Variants in ELAVL2 observed in about 807,000 individuals in gnomAD.
ELAVL2 encodes the protein ELAV like RNA binding protein 2, also known as ELAV-like protein 2.
A neutral mutation model predicts 34.6 loss-of-function variants in ELAVL2; 4 were observed. That is an observed-to-expected ratio of 0.12 (90% CI 0.06 to 0.26). The LOEUF (loss-of-function observed/expected upper bound fraction) is 0.26. Among genes scored for constraint, ELAVL2 ranks in the 10% least tolerant of loss-of-function variants. The probability of loss-of-function intolerance (pLI) is 1.00; values close to 1 mark genes in which losing one functional copy is unlikely to be tolerated. For synonymous variants in ELAVL2, 193 were observed against 154.8 expected (o/e 1.25, Z -1.83); for missense variants, 432 against 442.8 (o/e 0.98, Z 0.22).
chr9:23,776,462 T>C (rs1043675129), intron 1 of ELAVL2, among the ~76,000 whole-genome samples: 22 of 152,114 alleles, frequency 1.4e-4, no homozygotes, highest in African/African-American at 4.8e-4. Flanking sequence ...AGCCAAGGTC[T>C]GGTGTGTAGA....
At chr9:23,708,216 A>G (rs1338454490) in intron 3 of ELAVL2, among the ~76,000 whole-genome samples, 1 of 152,208 alleles carries the variant, frequency 6.6e-6, no homozygotes, top group Non-Finnish European at 1.5e-5. Flanking sequence ...GATTATATAT[A>G]AACTTACGTC....
In ELAVL2 at chr9:23,707,679, G is replaced by C. The variant is rs760760959; in HGVS notation, c.334-2608C>G. On this transcript the variant is annotated intron_variant, in intron 3 of 6. Coordinates refer to ENST00000397312, the MANE Select transcript of ELAVL2 (RefSeq NM_004432.5). Reference sequence around the variant, plus strand: ...ATTCATAACCAGTTCTGTGAACTTAGAACTAAGTTCTTCAAGCCTATTACC... The same window carrying C: ...ATTCATAACCAGTTCTGTGAACTTACAACTAAGTTCTTCAAGCCTATTACC... Among the ~76,000 whole-genome samples, 3 of 152,184 alleles carry C rather than the reference G, an allele frequency of 2.0e-5. 1 individual carries two copies. The highest frequency in any genetic ancestry group is 2.0e-4 in the Admixed American group (3 of 15,270).
chr9:23,701,729 C>CA lies in ELAVL2; in HGVS notation c.488-126dup, dbSNP rs113955723. 397 of 987,284 alleles carry CA rather than the reference C, an allele frequency of 4.0e-4. 2 individuals carry two copies. In the African/African-American group the frequency reaches 5.5e-3, roughly 14 times the overall value. The allele number at this position is 987,284 out of a possible 1,614,324, so 61.2% of individuals were successfully genotyped here. Reference sequence around the variant, plus strand: ...TTTCACCTACATATAACATTTCCCACAAAATCACACCAGGAGGAAACTTTC... The same window carrying CA: ...TTTCACCTACATATAACATTTCCCACAAAAATCACACCAGGAGGAAACTTTC... On this transcript the variant is annotated intron_variant, in intron 4 of 6. Transcript: ENST00000397312.
At chr9:23,770,687 T>C (rs1293903375) in intron 1 of ELAVL2, among the ~76,000 whole-genome samples, 4 of 152,180 alleles carry the variant, frequency 2.6e-5, no homozygotes, top group East Asian at 1.9e-4. Context: ...TCATAAAGAC[T>C]CTGGGAGGAA....
intron 3 of ELAVL2, among the ~76,000 whole-genome samples, chr9:23,705,725 G>T (rs964417668): frequency 6.6e-6 from 1 of 152,190 alleles, no homozygotes; most frequent in African/African-American, 2.4e-5. Context: ...AGAATCTAAT[G>T]CTGCAGCTAA....
At chr9:23,817,862 AATC>A (rs2063937891) in intron 1 of ELAVL2, among the ~76,000 whole-genome samples, 1 of 152,236 alleles carries the variant, frequency 6.6e-6, no homozygotes, top group Non-Finnish European at 1.5e-5. Flanking sequence ...TTATCATTTA[AATC>A]ATAATAAAAC....
intron 1 of ELAVL2, among the ~76,000 whole-genome samples, chr9:23,765,650 T>G (rs1169466796): frequency 6.6e-6 from 1 of 152,176 alleles, no homozygotes; most frequent in Non-Finnish European, 1.5e-5. Flanking sequence ...CGAAACCCTG[T>G]GAGGTTATTT....
chr9:23,740,991 T>C (rs553697479), intron 2 of ELAVL2, among the ~76,000 whole-genome samples: 26 of 152,306 alleles, frequency 1.7e-4, no homozygotes, highest in African/African-American at 5.8e-4. Context: ...CCCTCTAAGA[T>C]GCTCAAAAAT....
intron 5 of ELAVL2, among the ~76,000 whole-genome samples, chr9:23,694,467 C>A (rs1314578589): frequency 6.6e-6 from 1 of 152,162 alleles, no homozygotes; most frequent in Non-Finnish European, 1.5e-5. Context: ...TAACTTAATA[C>A]ATAGTCCACA....
intron 1 of ELAVL2, among the ~76,000 whole-genome samples, chr9:23,790,612 ACT>A (rs778378218): frequency 1.3e-5 from 2 of 152,116 alleles, no homozygotes; most frequent in Non-Finnish European, 2.9e-5. Context: ...TAAAGGTTTG[ACT>A]CTCTGCTGAT....
chr9:23,813,809 T>C (rs1007298571), intron 1 of ELAVL2, among the ~76,000 whole-genome samples: 38 of 152,196 alleles, frequency 2.5e-4, no homozygotes, highest in Admixed American at 9.2e-4. Context: ...TTTAACATGA[T>C]TCAAACATTA....
At chr9:23,707,272 G>A (rs1209910785) in intron 3 of ELAVL2, among the ~76,000 whole-genome samples, 1 of 152,206 alleles carries the variant, frequency 6.6e-6, no homozygotes, top group Non-Finnish European at 1.5e-5. Context: ...TATGCATTCA[G>A]TAATATGAAT....
chr9:23,723,432 G>A (rs2044259083), intron 3 of ELAVL2, among the ~76,000 whole-genome samples: 1 of 151,944 alleles, frequency 6.6e-6, no homozygotes, highest in African/African-American at 2.4e-5. Context: ...GGGGACGGGG[G>A]AGGGATAGCA....
At chr9:23,845,672 G>C in the ELAVL2 span, among the ~76,000 whole-genome samples, 11 of 151,124 alleles carry the variant, frequency 7.3e-5, no homozygotes, top group Non-Finnish European at 1.5e-4. Context: ...GATTAATTTC[G>C]ATGGTTTCAC....
chr9:23,761,920 A>G (rs558346912), intron 2 of ELAVL2, 86 bp downstream of exon 2: 8 of 1,424,596 alleles, frequency 5.6e-6, no homozygotes, highest in Non-Finnish European at 7.4e-6. Context: ...GCAGCAGTGA[A>G]TTATTTACAA....
At chr9:23,714,264 G>C (rs1211058421) in intron 3 of ELAVL2, among the ~76,000 whole-genome samples, 1 of 152,140 alleles carries the variant, frequency 6.6e-6, no homozygotes, top group African/African-American at 2.4e-5. Context: ...TTTGAGGTCA[G>C]GAAAGATGAC....
At chr9:23,846,982 AG>A in the ELAVL2 span, among the ~76,000 whole-genome samples, 4 of 152,080 alleles carry the variant, frequency 2.6e-5, no homozygotes, top group Admixed American at 6.6e-5. Context: ...GTCTTGCCTT[AG>A]GTACTCAGTT....
chr9:23,726,541 A>T (rs933205309), intron 3 of ELAVL2, among the ~76,000 whole-genome samples: 4 of 152,046 alleles, frequency 2.6e-5, no homozygotes, highest in Non-Finnish European at 5.9e-5. Flanking sequence ...CTTTCCAGAT[A>T]AATCAACCCC....
chr9:23,774,223 AAAAAAAAAAAAAAAAG>A lies in ELAVL2; in HGVS notation c.-15-11990_-15-11975del, dbSNP rs1403940064. Among the ~76,000 whole-genome samples the A allele has an allele frequency of 8.3e-3, 1,238 of 148,670 alleles. 28 individuals carry two copies. Among genetic ancestry groups the A allele is most frequent in the African/African-American group, 0.029 (1,183 of 40,592 alleles). Reference sequence around the variant, plus strand: ...CGAGAGACTCCATCTCAAAAAAAAAAAAAAAAAAAAAAAAAGAAAGAAAGAAAGAAAGAAAATTTGC... The same window carrying A: ...CGAGAGACTCCATCTCAAAAAAAAAAAAAGAAAGAAAGAAAGAAAATTTGC... On this transcript the variant is annotated intron_variant, in intron 1 of 6. Transcript: ENST00000397312.
Sources: allele counts gnomAD v4.1 joint callset (sites outside exome capture counted in the v4.1 genomes callset), GRCh38; gene constraint gnomAD v4.1.1; transcripts MANE v1.5; gene names NCBI Gene and HGNC (gene_info 2026-07-23, HGNC 2026-07-21).